TENM2: variants seen among roughly 807,000 people sequenced by gnomAD.
The protein encoded by TENM2 is teneurin-2.
Under a neutral mutation model 245.2 loss-of-function variants are expected in TENM2, and 52 were observed. The ratio of observed to expected loss-of-function variants is 0.21; its 90% CI spans 0.17 to 0.27. TENM2 has a LOEUF of 0.27. Ranked by LOEUF, TENM2 falls within the 10% of genes least tolerant of loss-of-function variation. The pLI is 1.00. For synonymous variants in TENM2, 1,363 were observed against 1,438.9 expected, an observed-to-expected ratio of 0.95 and a Z score of 1.19; for missense variants, 3,046 against 3,666.8, an observed-to-expected ratio of 0.83 and a Z score of 4.37.
chr5:167,641,464 C>T lies in TENM2; in HGVS notation c.503-234522C>T, dbSNP rs1779609729. 1.3e-5 allele frequency among the ~76,000 whole-genome samples: 2 copies of T among 152,062 alleles called. 1 individual carries two copies. The highest frequency in any genetic ancestry group is 4.1e-4 in the South Asian group (2 of 4,820). ...TATCAAGATGGTTCAGGAAAAACAA[C>T]AGCAAAAACCACATTTGGTTTTTGT... On this transcript the variant is annotated intron_variant, in intron 2 of 28. Coordinates refer to ENST00000518659, the Ensembl canonical transcript of TENM2.
At chr5:167,709,001 A>G (rs950406436) in intron 2 of TENM2, among the ~76,000 whole-genome samples, 4 of 152,106 alleles carry the variant, frequency 2.6e-5, no homozygotes, top group South Asian at 4.2e-4. Flanking sequence ...CCCTCTGCAT[A>G]TATCACACAG....
At chr5:167,033,951 A>C in the TENM2 span, among the ~76,000 whole-genome samples, 1 of 152,242 alleles carries the variant, frequency 6.6e-6, no homozygotes, top group Non-Finnish European at 1.5e-5. Flanking sequence ...AAATTCTTAT[A>C]TCATGTTGTA....
At chr5:167,425,810 G>A (rs1226364440) in intron 2 of TENM2, among the ~76,000 whole-genome samples, 1 of 152,158 alleles carries the variant, frequency 6.6e-6, no homozygotes, top group Non-Finnish European at 1.5e-5. Context: ...TCATGGGGCT[G>A]TTGTGAAAAT....
chr5:167,763,127 A>T (rs1762788570), intron 2 of TENM2, among the ~76,000 whole-genome samples: 1 of 152,226 alleles, frequency 6.6e-6, no homozygotes, highest in African/African-American at 2.4e-5. Flanking sequence ...AGTGTATTCC[A>T]GCTCTCTTGC....
exon 21 of TENM2, chr5:168,215,264 G>C: frequency 6.2e-7 from 1 of 1,613,620 alleles, no homozygotes; most frequent in Non-Finnish European, 8.5e-7. Context: ...ACCCTGATGA[G>C]CCCGAGAGGT....
intron 4 of TENM2, among the ~76,000 whole-genome samples, chr5:167,988,191 A>G (rs1045802204): frequency 6.6e-6 from 1 of 152,206 alleles, no homozygotes; most frequent in Non-Finnish European, 1.5e-5. Context: ...TCAACACGGC[A>G]GGAGGAGCCT....
intron 8 of TENM2, among the ~76,000 whole-genome samples, chr5:168,093,028 A>G (rs1407263540): frequency 6.6e-6 from 1 of 152,202 alleles, no homozygotes; most frequent in Non-Finnish European, 1.5e-5. Flanking sequence ...CAGTTAAAAA[A>G]CTTGCCCAAG....
intron 7 of TENM2, among the ~76,000 whole-genome samples, chr5:168,083,785 G>A (rs1246038232): frequency 6.6e-6 from 1 of 152,032 alleles, no homozygotes; most frequent in Non-Finnish European, 1.5e-5. Context: ...ACATGAGCAA[G>A]TTTGTTACCT....
At chr5:168,053,148 G>A (rs1047056013) in intron 6 of TENM2, among the ~76,000 whole-genome samples, 27 of 152,124 alleles carry the variant, frequency 1.8e-4, no homozygotes, top group African/African-American at 6.0e-4. Flanking sequence ...TTTACTGCAC[G>A]TCTACTGGCA....
intron 3 of TENM2, among the ~76,000 whole-genome samples, chr5:167,906,956 G>A (rs548343802): frequency 2.0e-4 from 31 of 152,320 alleles, no homozygotes; most frequent in African/African-American, 7.2e-4. Context: ...ACGCAGGCCG[G>A]GCGCAGTGGC....
intron 2 of TENM2, among the ~76,000 whole-genome samples, chr5:167,671,147 G>C (rs1001322098): frequency 6.6e-6 from 1 of 152,032 alleles, no homozygotes; most frequent in South Asian, 2.1e-4. Context: ...AATATGATTT[G>C]GTCTGACACA....
chr5:167,200,585 A>G, the TENM2 span, among the ~76,000 whole-genome samples: 14 of 152,064 alleles, frequency 9.2e-5, no homozygotes, highest in Admixed American at 4.6e-4. Flanking sequence ...TCTGTCACCA[A>G]TGTATAGCAT....
At chr5:167,625,160 C>T (rs1778418278) in intron 2 of TENM2, among the ~76,000 whole-genome samples, 2 of 152,136 alleles carry the variant, frequency 1.3e-5, no homozygotes, top group African/African-American at 4.8e-5. Flanking sequence ...CAGATATATT[C>T]TCATCGTAGC....
intron 2 of TENM2, among the ~76,000 whole-genome samples, chr5:167,554,027 G>C (rs1482690697): frequency 6.6e-6 from 1 of 152,120 alleles, no homozygotes; most frequent in East Asian, 1.9e-4. Flanking sequence ...TCTCAAACAG[G>C]GCTTGATTCT....
chr5:168,113,864 C>T (rs1019190511), intron 9 of TENM2, among the ~76,000 whole-genome samples: 1 of 152,176 alleles, frequency 6.6e-6, no homozygotes, highest in African/African-American at 2.4e-5. Flanking sequence ...GCACAATGTT[C>T]TGCTCCCGTA....
intron 7 of TENM2, among the ~76,000 whole-genome samples, chr5:168,085,853 C>T (rs920527100): frequency 3.9e-5 from 6 of 152,202 alleles, no homozygotes; most frequent in Admixed American, 2.0e-4. Context: ...CCTGCAATCC[C>T]ACCAACTGCT....
chr5:167,828,720 A>T (rs1458051890), intron 2 of TENM2, among the ~76,000 whole-genome samples: 1 of 152,158 alleles, frequency 6.6e-6, no homozygotes, highest in Non-Finnish European at 1.5e-5. Context: ...AGGAAGGGTA[A>T]TCCTCTTTAG....
At chr5:167,291,633 T>A (rs780251055) in intron 1 of TENM2, among the ~76,000 whole-genome samples, 8 of 152,256 alleles carry the variant, frequency 5.3e-5, no homozygotes, top group Non-Finnish European at 1.0e-4. Flanking sequence ...TACCTATATC[T>A]ACCATTTTAC....
intron 12 of TENM2, among the ~76,000 whole-genome samples, chr5:168,127,483 G>A (rs1234803410): frequency 6.6e-6 from 1 of 152,088 alleles, no homozygotes; most frequent in African/African-American, 2.4e-5. Flanking sequence ...TCCTCCTCTG[G>A]TCCCATTTTA....
Sources: gnomAD v4.1 joint callset for allele counts (sites outside exome capture counted in the v4.1 genomes callset) on GRCh38, gnomAD v4.1.1 for gene constraint, MANE v1.5 for transcripts, NCBI Gene and HGNC (gene_info 2026-07-23, HGNC 2026-07-21) for gene names.